Variants in KLHL5 observed in about 807,000 individuals in gnomAD.
KLHL5 encodes kelch like family member 5, also known as kelch-like protein 5.
A neutral mutation model predicts 77.7 loss-of-function variants in KLHL5; 48 were observed. The ratio of observed to expected loss-of-function variants is 0.62; its 90% CI spans 0.49 to 0.79. The LOEUF (loss-of-function observed/expected upper bound fraction) is 0.79, where lower values mean the gene tolerates loss of function less well. Ranked by LOEUF, KLHL5 falls within the 30% of genes least tolerant of loss-of-function variation. KLHL5 has a pLI of 0.00. For missense variants in KLHL5, 723 were observed against 859.7 expected, an observed-to-expected ratio of 0.84 and a Z score of 1.99; for synonymous variants, 260 against 297.0, an observed-to-expected ratio of 0.88 and a Z score of 1.28.
At chr4:39,113,560 T>C (rs573112449) in intron 9 of KLHL5, among the ~76,000 whole-genome samples, 1 of 152,354 alleles carries the variant, frequency 6.6e-6, no homozygotes, top group African/African-American at 2.4e-5. Context: ...CATTTCTATG[T>C]GTTTTGATAT....
At chr4:39,045,432 C>A (rs73133433) in intron 1 of KLHL5, among the ~76,000 whole-genome samples, 7,184 of 151,912 alleles carry the variant, frequency 0.047, 550 homozygotes, top group African/African-American at 0.16. Context: ...TGCGGTGCAC[C>A]CGTTGCTGCT....
chr4:39,057,859 A>G (rs1223204611), upstream of KLHL5, among the ~76,000 whole-genome samples: 1 of 152,238 alleles, frequency 6.6e-6, no homozygotes, highest in African/African-American at 2.4e-5. Context: ...GATTACTAAT[A>G]TAAACTAGTT....
Position 39,113,224 on chromosome 4 carries a change from T to G in KLHL5, c.1893T>G (p.Cys631Trp). ...ASNLTSRLSD[C>W]VERYDPKTDM... is the part of the protein sequence containing the mutation. Reference sequence around the variant, plus strand: ...ACTTGACTTCCAGACTCTCAGACTGTGTGGAAAGGTAATTTCCTGGGAAGA... The same window carrying G: ...ACTTGACTTCCAGACTCTCAGACTGGGTGGAAAGGTAATTTCCTGGGAAGA... The change falls in exon 9 of 11, where the codon TGT (cysteine) becomes TGG (tryptophan). Residue 631 changes from cysteine to tryptophan, a missense_variant. Cys to Trp is a radical substitution (Grantham distance 215). Coordinates refer to ENST00000504108, the MANE Select transcript of KLHL5 (RefSeq NM_015990.5). 6.2e-7 allele frequency: 1 copy of G among 1,611,334 alleles called. No individual in the cohort carries two copies. The highest frequency in any genetic ancestry group is 8.5e-7 in the Non-Finnish European group (1 of 1,178,544).
intron 1 of KLHL5, among the ~76,000 whole-genome samples, chr4:39,056,607 T>C (rs1717026011): frequency 6.6e-6 from 1 of 152,228 alleles, no homozygotes; most frequent in African/African-American, 2.4e-5. Context: ...TAACCAAAGA[T>C]AACCAGTGTT....
chr4:39,119,029 T>A (rs1723040634), intron 10 of KLHL5, among the ~76,000 whole-genome samples: 1 of 152,176 alleles, frequency 6.6e-6, no homozygotes, highest in Non-Finnish European at 1.5e-5. Context: ...CAAAAATAGT[T>A]GTGAATGACA....
intron 1 of KLHL5, among the ~76,000 whole-genome samples, chr4:39,050,061 T>C (rs1716520220): frequency 6.6e-6 from 1 of 151,878 alleles, no homozygotes; most frequent in Non-Finnish European, 1.5e-5. Context: ...GGCGACAGAG[T>C]GAGACTCCAT....
intron 8 of KLHL5, among the ~76,000 whole-genome samples, chr4:39,112,338 A>G (rs1334708869): frequency 3.3e-5 from 5 of 152,156 alleles, no homozygotes; most frequent in African/African-American, 1.2e-4. Flanking sequence ...TACATAACAA[A>G]TGTTACTTTT....
intron 6 of KLHL5, among the ~76,000 whole-genome samples, chr4:39,101,126 T>TATACATACATATATATATATA (rs1553892884): frequency 7.4e-6 from 1 of 134,844 alleles, no homozygotes. Context: ...TATTTGGATT[T>TATACATACATATATATATATA]TATATATATA....
At chr4:39,090,062 T>C (rs1364653926) in intron 5 of KLHL5, among the ~76,000 whole-genome samples, 1 of 152,212 alleles carries the variant, frequency 6.6e-6, no homozygotes, top group Non-Finnish European at 1.5e-5. Flanking sequence ...AGTTATCAAG[T>C]AATAAAGTTT....
intron 1 of KLHL5, among the ~76,000 whole-genome samples, chr4:39,075,481 C>T (rs1459743924): frequency 1.3e-5 from 2 of 152,126 alleles, no homozygotes; most frequent in African/African-American, 2.4e-5. Context: ...CTTTTGAGGA[C>T]TGGACAGAGA....
intron 10 of KLHL5, among the ~76,000 whole-genome samples, chr4:39,116,828 G>A (rs1175081209): frequency 4.6e-5 from 7 of 151,654 alleles, no homozygotes; most frequent in African/African-American, 1.5e-4. Context: ...AAAATTTGTG[G>A]GTTTTTTTGT....
chr4:39,124,679 A>G lies in KLHL5; in HGVS notation c.*3613A>G, dbSNP rs944683434. Among the ~76,000 whole-genome samples the G allele has an allele frequency of 1.3e-5, 2 of 151,968 alleles. No homozygotes were observed. The highest frequency in any genetic ancestry group is 2.1e-4 in the South Asian group (1 of 4,828). Reference sequence around the variant, plus strand: ...ATAAAAATTAATTCAAAATAGATCAAAGACCTAAATGTAAGAGCTAAAACC... The same window carrying G: ...ATAAAAATTAATTCAAAATAGATCAGAGACCTAAATGTAAGAGCTAAAACC... On this transcript the variant is annotated 3_prime_UTR_variant, in exon 11 of 11. Coordinates refer to ENST00000504108, the MANE Select transcript of KLHL5 (RefSeq NM_015990.5).
At chr4:39,110,190 CTTA>C (rs774991472) in intron 8 of KLHL5, among the ~76,000 whole-genome samples, 4 of 152,200 alleles carry the variant, frequency 2.6e-5, no homozygotes, top group African/African-American at 7.2e-5. Flanking sequence ...ATCATATTTA[CTTA>C]TTATAAAAAT....
At chr4:39,086,135 A>C (rs1368336491) in intron 4 of KLHL5, among the ~76,000 whole-genome samples, 1 of 152,194 alleles carries the variant, frequency 6.6e-6, no homozygotes, top group African/African-American at 2.4e-5. Flanking sequence ...CCACAAATCC[A>C]AACCGCAAAT....
the KLHL5 span, among the ~76,000 whole-genome samples, chr4:39,136,887 G>C: frequency 1.3e-5 from 2 of 152,176 alleles, no homozygotes; most frequent in Non-Finnish European, 2.9e-5. Flanking sequence ...CATCCACGAC[G>C]GAGAACTGCC....
intron 6 of KLHL5, among the ~76,000 whole-genome samples, chr4:39,101,124 TTTTATA>T (rs1457075952): frequency 3.3e-4 from 4 of 11,992 alleles, no homozygotes; most frequent in Non-Finnish European, 5.7e-4. Flanking sequence ...GATATTTGGA[TTTTATA>T]TATATATATA....
At chr4:39,076,519 AAAACTCTT>A (rs1719058139) in intron 2 of KLHL5, among the ~76,000 whole-genome samples, 1 of 152,174 alleles carries the variant, frequency 6.6e-6, no homozygotes, top group Non-Finnish European at 1.5e-5. Flanking sequence ...TGGACTAGCA[AAAACTCTT>A]AAGAGTTTTT....
At chr4:39,113,800 C>G (rs1474947713) in intron 9 of KLHL5, among the ~76,000 whole-genome samples, 1 of 152,068 alleles carries the variant, frequency 6.6e-6, no homozygotes, top group East Asian at 1.9e-4. Context: ...GAAAGAAATA[C>G]TGAAAGGCAG....
Position 39,123,115 on chromosome 4 carries a change from C to T in KLHL5, c.*2049C>T, listed in dbSNP as rs1001772746. Among the ~76,000 whole-genome samples, 1 of 152,072 alleles carries T rather than the reference C, an allele frequency of 6.6e-6. No homozygotes were observed. Among genetic ancestry groups the T allele is most frequent in the African/African-American group, 2.4e-5 (1 of 41,424 alleles). On this transcript the variant is annotated 3_prime_UTR_variant, in exon 11 of 11. Coordinates refer to ENST00000504108, the MANE Select transcript of KLHL5 (RefSeq NM_015990.5). ...TTATTCATAGAAGCATTGTTGCCAA[C>T]AATTTAGATGACCTCGATGAAAAAA...
Sources: gnomAD v4.1 joint callset for allele counts (sites outside exome capture counted in the v4.1 genomes callset) on GRCh38, gnomAD v4.1.1 for gene constraint, MANE v1.5 for transcripts, NCBI Gene and HGNC (gene_info 2026-07-23, HGNC 2026-07-21) for gene names.